The following C3orf20 variants were observed in gnomAD, a reference collection of about 807,000 sequenced individuals.
The protein encoded by C3orf20 is uncharacterized protein C3orf20.
In C3orf20, 76 loss-of-function variants were observed where a neutral mutation model predicts 88.3. The observed-to-expected ratio is 0.86, with a 90% confidence interval of 0.72 to 1.04. The LOEUF (loss-of-function observed/expected upper bound fraction) is 1.04, where lower values mean the gene tolerates loss of function less well. C3orf20 is among the 50% of genes least tolerant of loss of function. The pLI, the probability that C3orf20 is intolerant of heterozygous loss-of-function variation, is 0.00. For synonymous variants in C3orf20, 436 were observed against 437.4 expected, an observed-to-expected ratio of 1.00 and a Z score of 0.04; for missense variants, 1,056 against 1,123.3, an observed-to-expected ratio of 0.94 and a Z score of 0.86.
chr3:14,712,182 GCACACACACACACACA>G (rs1198777411), intron 7 of C3orf20, among the ~76,000 whole-genome samples: 1 of 22,416 alleles, frequency 4.5e-5, no homozygotes, highest in African/African-American at 9.3e-5. Flanking sequence ...ACGCGCGCGC[GCACACACACACACACA>G]CACACACACA....
chr3:14,704,746 G>T, intron 7 of C3orf20, 128 bp downstream of exon 7: 2 of 1,138,056 alleles, frequency 1.8e-6, no homozygotes, highest in Non-Finnish European at 2.5e-6. Context: ...TGGGTCTCCT[G>T]GGTATTAAGA....
intron 12 of C3orf20, among the ~76,000 whole-genome samples, chr3:14,752,525 G>A (rs971632705): frequency 6.6e-6 from 1 of 152,152 alleles, no homozygotes; most frequent in African/African-American, 2.4e-5. Flanking sequence ...CACAGCAAAA[G>A]AAACTATCAT....
intron 15 of C3orf20, among the ~76,000 whole-genome samples, chr3:14,762,143 C>T (rs542605393): frequency 6.6e-6 from 1 of 152,304 alleles, no homozygotes; most frequent in South Asian, 2.1e-4. Flanking sequence ...GCGATCATAG[C>T]TCACTGCATC....
intron 1 of C3orf20, among the ~76,000 whole-genome samples, chr3:14,677,558 T>C (rs2031842696): frequency 6.6e-6 from 1 of 152,094 alleles, no homozygotes; most frequent in Non-Finnish European, 1.5e-5. Flanking sequence ...TGGAGTGCAA[T>C]AGCGCGATCT....
Position 14,704,379 on chromosome 3 carries a change from C to A in C3orf20, c.921C>A (p.Tyr307Ter), listed in dbSNP as rs780342083. The change falls in exon 7 of 17, where the codon TAC (tyrosine) becomes TAA (stop). Residue 307 changes from tyrosine (Y) to a stop codon, truncating the protein, a stop_gained. Transcript: ENST00000253697. LOFTEE classifies it high-confidence loss of function. Reference protein sequence around the residue: ...RATWKGRNISYPMILRNYKAK... With the variant: ...RATWKGRNIS ...CATGGAAAGGGAGGAATATCTCCTA[C>A]CCCATGATCTTACGAAACTACAAGG... 6.8e-6 allele frequency: 11 copies of A among 1,614,082 alleles called. No individual in the cohort carries two copies. The highest frequency in any genetic ancestry group is 9.3e-6 in the Non-Finnish European group (11 of 1,180,020).
chr3:14,680,831 A>G (rs2032048675), intron 1 of C3orf20, among the ~76,000 whole-genome samples: 1 of 152,220 alleles, frequency 6.6e-6, no homozygotes, highest in East Asian at 1.9e-4. Context: ...TGCCCTGCAC[A>G]GTCAGGATCA....
intron 4 of C3orf20, among the ~76,000 whole-genome samples, chr3:14,687,108 T>C (rs1311132641): frequency 2.0e-5 from 3 of 152,110 alleles, no homozygotes; most frequent in Admixed American, 2.0e-4. Flanking sequence ...CATGACTCCA[T>C]GGAGAGAAAA....
chr3:14,760,097 G>A, intron 14 of C3orf20, 99 bp downstream of exon 14: 1 of 917,562 alleles, frequency 1.1e-6, no homozygotes, highest in South Asian at 1.4e-5. Flanking sequence ...GGAGAGAGGA[G>A]AAGAAGGGAG....
intron 5 of C3orf20, among the ~76,000 whole-genome samples, chr3:14,693,554 A>C (rs540418486): frequency 6.6e-6 from 1 of 152,322 alleles, no homozygotes; most frequent in Admixed American, 6.5e-5. Flanking sequence ...TGTATCCTGC[A>C]ACCTTACTGA....
intron 13 of C3orf20, 32 bp downstream of exon 13, chr3:14,757,706 G>A: frequency 6.3e-7 from 1 of 1,589,848 alleles, no homozygotes. Context: ...AGGCCCTGGA[G>A]GCCAGGGGCA....
chr3:14,734,027 A>G (rs995160877), intron 12 of C3orf20, among the ~76,000 whole-genome samples: 3 of 152,196 alleles, frequency 2.0e-5, no homozygotes, highest in Admixed American at 6.5e-5. Flanking sequence ...CAATATTTTA[A>G]ATGACTGTGT....
chr3:14,735,027 T>C (rs776571723), intron 12 of C3orf20, among the ~76,000 whole-genome samples: 24 of 151,916 alleles, frequency 1.6e-4, no homozygotes, highest in Non-Finnish European at 3.2e-4. Flanking sequence ...TTTTTCATAA[T>C]ATATCTTTTT....
intron 5 of C3orf20, among the ~76,000 whole-genome samples, chr3:14,691,761 A>G (rs913186827): frequency 1.3e-5 from 2 of 152,346 alleles, no homozygotes; most frequent in Admixed American, 1.3e-4. Context: ...TGTTACAAAC[A>G]ATTCAATTGT....
chr3:14,726,861 G>A, intron 10 of C3orf20, 40 bp from the exon 11 acceptor site: 1 of 1,612,740 alleles, frequency 6.2e-7, no homozygotes, highest in Non-Finnish European at 8.5e-7. Context: ...GGCTCTTTGA[G>A]GGGATGGTGA....
At chr3:14,724,365 A>G (rs929024648) in intron 10 of C3orf20, among the ~76,000 whole-genome samples, 2 of 152,006 alleles carry the variant, frequency 1.3e-5, no homozygotes, top group Non-Finnish European at 2.9e-5. Context: ...GCAATTCAAG[A>G]CCCCCATGAG....
chr3:14,756,388 T>C (rs2035374142), intron 12 of C3orf20, among the ~76,000 whole-genome samples: 1 of 152,122 alleles, frequency 6.6e-6, no homozygotes, highest in Non-Finnish European at 1.5e-5. Flanking sequence ...ATTTTTCAAA[T>C]GCTACTGTTT....
At chr3:14,696,604 C>G (rs1220058382) in intron 5 of C3orf20, among the ~76,000 whole-genome samples, 3 of 152,070 alleles carry the variant, frequency 2.0e-5, no homozygotes, top group African/African-American at 7.2e-5. Flanking sequence ...TCTCGAACTC[C>G]TGACCTCAAG....
In C3orf20 at chr3:14,772,973, T is replaced by C. The variant is rs1002606255; in HGVS notation, c.*98T>C. 23 of 876,584 alleles carry C rather than the reference T, an allele frequency of 2.6e-5. No homozygotes were observed. The African/African-American group carries it at 3.0e-4, about 11-fold the overall frequency. The allele number at this position is 876,584 out of a possible 1,614,324, so 54.3% of individuals were successfully genotyped here. A position where few individuals can be genotyped will look rare whatever the true frequency, so the allele number is the denominator to read the frequency against. On this transcript the variant is annotated 3_prime_UTR_variant, in exon 17 of 17. Coordinates refer to ENST00000253697, the MANE Select transcript of C3orf20 (RefSeq NM_032137.5). This position sits in a 1 kb window ranked among gnomAD's most constrained non-coding sequence, Gnocchi z 4.2. ...GCCTCCCCGGTCTCCCACCCTGTCC[T>C]CCAAGCTTCTATAATAAACCAGCGG... is the stretch of plus-strand genomic sequence containing the variant.
intron 10 of C3orf20, among the ~76,000 whole-genome samples, chr3:14,725,004 A>G (rs2034298173): frequency 6.6e-6 from 1 of 152,244 alleles, no homozygotes; most frequent in African/African-American, 2.4e-5. Context: ...GTGCTGCATT[A>G]TAGAAAGCAG....
Sources: allele counts gnomAD v4.1 joint callset (sites outside exome capture counted in the v4.1 genomes callset), GRCh38; gene constraint gnomAD v4.1.1; non-coding constraint Gnocchi (gnomAD v3.1); transcripts MANE v1.5; gene names NCBI Gene and HGNC (gene_info 2026-07-23, HGNC 2026-07-21).